DLGAP1: variants seen among roughly 807,000 people sequenced by gnomAD.
DLGAP1 encodes DLG associated protein 1.
DLGAP1 carries 11 observed loss-of-function variants against 90.8 expected under a neutral mutation model. The observed-to-expected ratio is 0.12, with a 90% CI of 0.08 to 0.20. The LOEUF (loss-of-function observed/expected upper bound fraction) is 0.20. DLGAP1 is among the 10% of genes least tolerant of loss of function. The pLI is 1.00. For synonymous variants in DLGAP1, 558 were observed against 540.7 expected (o/e 1.03, Z -0.44); for missense variants, 1,050 against 1,333.8 (o/e 0.79, Z 3.31).
At chr18:4,131,916 C>T (rs2144217534) in intron 2 of DLGAP1, among the ~76,000 whole-genome samples, 1 of 152,250 alleles carries the variant, frequency 6.6e-6, no homozygotes, top group Middle Eastern at 3.4e-3. Context: ...ACAGATGATT[C>T]CAAAGTTCCC....
chr18:3,510,583 C>T (rs2050484905), intron 10 of DLGAP1, among the ~76,000 whole-genome samples: 1 of 152,140 alleles, frequency 6.6e-6, no homozygotes. Context: ...TAGGTAAGCT[C>T]TGAGGTTTAT....
rs1215479476 is a variant in DLGAP1 at position 4,342,811 on chromosome 18, T to C, written c.-267+112195A>G. ...AAGAATATTTAATAGACAGAAAATC[T>C]TTACAAATTTTTTGATTTAATTGTT... On this transcript the variant is annotated intron_variant, in intron 1 of 12. Coordinates refer to ENST00000315677, the MANE Select transcript of DLGAP1 (RefSeq NM_004746.4). This position sits in a 1 kb window ranked among gnomAD's most constrained non-coding sequence, Gnocchi z 5.8. Among the ~76,000 whole-genome samples the C allele has an allele frequency of 6.6e-6, 1 of 152,160 alleles. No individual in the cohort carries two copies. The highest frequency in any genetic ancestry group is 1.5e-5 in the Non-Finnish European group (1 of 68,032).
intron 4 of DLGAP1, among the ~76,000 whole-genome samples, chr18:3,834,616 A>T (rs2068265296): frequency 6.6e-6 from 1 of 152,210 alleles, no homozygotes. Flanking sequence ...GTGTACGTAC[A>T]CATATACATA....
At chr18:3,847,586 A>G (rs917367231) in intron 4 of DLGAP1, among the ~76,000 whole-genome samples, 2 of 152,170 alleles carry the variant, frequency 1.3e-5, no homozygotes, top group African/African-American at 4.8e-5. Flanking sequence ...GATCAAGAGC[A>G]TGAAAGGGCA....
intron 2 of DLGAP1, among the ~76,000 whole-genome samples, chr18:4,056,997 C>CCATA (rs1228227825): frequency 8.1e-6 from 1 of 122,700 alleles, no homozygotes; most frequent in Non-Finnish European, 1.7e-5. Context: ...TAGCAACTGA[C>CCATA]CATACATACA....
chr18:4,064,581 T>G (rs1598335663), intron 2 of DLGAP1, among the ~76,000 whole-genome samples: 1 of 152,042 alleles, frequency 6.6e-6, no homozygotes, highest in South Asian at 2.1e-4. Context: ...TGCACATAAC[T>G]TAGAAAATCT....
At chr18:4,053,352 T>C (rs2075164041) in intron 2 of DLGAP1, among the ~76,000 whole-genome samples, 2 of 152,172 alleles carry the variant, frequency 1.3e-5, no homozygotes, top group African/African-American at 2.4e-5. Context: ...AAGTCCCTTA[T>C]ATAACCATCA....
chr18:3,661,571 C>CTTT (rs10549959), intron 7 of DLGAP1, among the ~76,000 whole-genome samples: 16 of 125,282 alleles, frequency 1.3e-4, no homozygotes, highest in African/African-American at 2.3e-4. Flanking sequence ...GCTGTAAGGT[C>CTTT]TTTTTTTTTT....
rs1328220494 is a variant in DLGAP1 at position 3,601,017 on chromosome 18, TATAG to T, written c.1592-18773_1592-18770del. 5.5e-3 allele frequency among the ~76,000 whole-genome samples: 787 copies of T among 142,556 alleles called. 22 individuals carry two copies. The highest frequency in any genetic ancestry group is 0.02 in the African/African-American group (764 of 38,288). 93.5% of individuals were successfully genotyped at this position (142,556 alleles called of 152,430 possible). On this transcript the variant is annotated intron_variant, in intron 7 of 12. Coordinates refer to ENST00000315677, the MANE Select transcript of DLGAP1 (RefSeq NM_004746.4). ...ATAGATATATAGATATAGATAGATA[TATAG>T]ATATATAGATATAGAGATAAAGATA...
intron 2 of DLGAP1, among the ~76,000 whole-genome samples, chr18:4,033,113 C>T (rs903287519): frequency 6.6e-6 from 1 of 152,076 alleles, no homozygotes; most frequent in South Asian, 2.1e-4. Flanking sequence ...AGTTCTCAAC[C>T]TTTCCCTAGT....
intron 1 of DLGAP1, among the ~76,000 whole-genome samples, chr18:4,393,420 C>T (rs990630671): frequency 6.6e-6 from 1 of 152,134 alleles, no homozygotes; most frequent in Non-Finnish European, 1.5e-5. Context: ...CTGTACTCTA[C>T]CTGGAATGGA....
chr18:3,618,196 G>A (rs1233485166), intron 7 of DLGAP1, among the ~76,000 whole-genome samples: 4 of 152,208 alleles, frequency 2.6e-5, no homozygotes, highest in Non-Finnish European at 5.9e-5. Flanking sequence ...ACCTGTTCCA[G>A]GAAGGACTTT....
chr18:4,374,661 G>A (rs560798018), intron 1 of DLGAP1, among the ~76,000 whole-genome samples: 3 of 152,100 alleles, frequency 2.0e-5, no homozygotes, highest in Non-Finnish European at 4.4e-5. Flanking sequence ...ATGGTTTTCA[G>A]TGTGTTCACC....
intron 1 of DLGAP1, among the ~76,000 whole-genome samples, chr18:4,227,971 CAG>C (rs914167244): frequency 6.6e-6 from 1 of 151,326 alleles, no homozygotes; most frequent in African/African-American, 2.4e-5. Context: ...TAACAAAATA[CAG>C]AGAGAGAAGA....
chr18:3,852,203 A>T (rs1474065396), intron 4 of DLGAP1, among the ~76,000 whole-genome samples: 1 of 152,226 alleles, frequency 6.6e-6, no homozygotes, highest in African/African-American at 2.4e-5. Flanking sequence ...TATCCATTGT[A>T]TCAGTGCAAA....
rs532725280 is a variant in DLGAP1 at position 3,988,676 on chromosome 18, C to T, written c.-73+16440G>A. ...TGCAAATAGAGATGAAGCTTCCACT[C>T]ACCTGCGATGCAGCCCGGTTCCTAA... On this transcript the variant is annotated intron_variant, in intron 3 of 12. Transcript: ENST00000315677. 3.3e-5 allele frequency among the ~76,000 whole-genome samples: 5 copies of T among 152,226 alleles called. No individual in the cohort carries two copies. The South Asian group carries it at 1.0e-3, about 32-fold the overall frequency.
intron 1 of DLGAP1, among the ~76,000 whole-genome samples, chr18:4,299,096 A>C (rs1036936571): frequency 3.6e-4 from 55 of 151,532 alleles, no homozygotes; most frequent in Admixed American, 2.7e-3. Context: ...AAAAAAAAAA[A>C]AAAAAAAAAA....
intron 2 of DLGAP1, among the ~76,000 whole-genome samples, chr18:4,107,772 A>G (rs2075896116): frequency 6.6e-6 from 1 of 152,212 alleles, no homozygotes. Context: ...CTAAAATGAG[A>G]GTCAAAGCAA....
At chr18:3,859,465 A>G (rs1197935470) in intron 4 of DLGAP1, among the ~76,000 whole-genome samples, 1 of 152,222 alleles carries the variant, frequency 6.6e-6, no homozygotes, top group Non-Finnish European at 1.5e-5. Context: ...TACCTTATAT[A>G]GCAGAAGGGA....
Sources: allele counts gnomAD v4.1 joint callset (sites outside exome capture counted in the v4.1 genomes callset), GRCh38; gene constraint gnomAD v4.1.1; non-coding constraint Gnocchi (gnomAD v3.1); transcripts MANE v1.5; gene names NCBI Gene and HGNC (gene_info 2026-07-23, HGNC 2026-07-21).